Variants in MARCHF3 observed in about 807,000 individuals in gnomAD.
MARCHF3 encodes E3 ubiquitin-protein ligase MARCHF3.
A neutral mutation model predicts 24.2 loss-of-function variants in MARCHF3; 13 were observed. That is an observed-to-expected ratio of 0.54 (90% confidence interval 0.35 to 0.85). The LOEUF is 0.85. MARCHF3 is among the 40% of genes least tolerant of loss of function. The pLI is 0.01. For missense variants in MARCHF3, 276 were observed against 325.0 expected (o/e 0.85, Z 1.16); for synonymous variants, 144 against 137.3 (o/e 1.05, Z -0.34).
At chr5:126,947,902 G>A (rs1052224099) in intron 1 of MARCHF3, among the ~76,000 whole-genome samples, 1 of 152,082 alleles carries the variant, frequency 6.6e-6, no homozygotes, top group Non-Finnish European at 1.5e-5. Flanking sequence ...GGGCAGCAGT[G>A]TGAGAACTGT....
chr5:127,027,470 T>C (rs1204936601), intron 1 of MARCHF3, among the ~76,000 whole-genome samples: 1 of 152,198 alleles, frequency 6.6e-6, no homozygotes, highest in Non-Finnish European at 1.5e-5. Flanking sequence ...GAGGAAATGC[T>C]CAACCATGTG....
At chr5:126,871,017 G>A (rs1420409228) in intron 4 of MARCHF3, among the ~76,000 whole-genome samples, 1 of 152,192 alleles carries the variant, frequency 6.6e-6, no homozygotes, top group East Asian at 1.9e-4. Context: ...CTTGCATGGT[G>A]GCTTCCTTTG....
chr5:126,973,423 T>C (rs548872356), intron 1 of MARCHF3, among the ~76,000 whole-genome samples: 5 of 152,372 alleles, frequency 3.3e-5, no homozygotes, highest in African/African-American at 1.2e-4. Flanking sequence ...CTGGGGTTCC[T>C]GCCAGGTGGA....
intron 1 of MARCHF3, among the ~76,000 whole-genome samples, chr5:126,947,280 A>G (rs1445380011): frequency 6.6e-6 from 1 of 152,254 alleles, no homozygotes; most frequent in Non-Finnish European, 1.5e-5. Flanking sequence ...CTTTACAGCA[A>G]GCTGTGACAG....
At chr5:126,983,084 C>T (rs889505141) in intron 1 of MARCHF3, among the ~76,000 whole-genome samples, 1 of 152,208 alleles carries the variant, frequency 6.6e-6, no homozygotes, top group Admixed American at 6.5e-5. Context: ...CAGCTGTGCA[C>T]TCCTCTGTTG....
chr5:127,007,525 T>C (rs1289001067), intron 1 of MARCHF3, among the ~76,000 whole-genome samples: 2 of 152,136 alleles, frequency 1.3e-5, no homozygotes, highest in African/African-American at 4.8e-5. Context: ...AAGTATACAC[T>C]TCATTCCAAT....
intron 1 of MARCHF3, among the ~76,000 whole-genome samples, chr5:127,021,189 T>C (rs977362403): frequency 1.3e-5 from 2 of 152,100 alleles, no homozygotes; most frequent in Admixed American, 1.3e-4. Context: ...AAATATCCAT[T>C]TAATACCCAC....
rs192916844 is a variant in MARCHF3, at chr5:126,993,959, G to A, written c.-57+36391C>T. 4.7e-4 allele frequency among the ~76,000 whole-genome samples: 71 copies of A among 152,348 alleles called. No homozygotes were observed. The East Asian group carries it at 0.012, about 26-fold the overall frequency. ...AACTACTTTGGAAAATGGTTCAGCA[G>A]CATCTTAGAGAGTTGAACATACACC... On this transcript the variant is annotated intron_variant, in intron 1 of 4. Transcript: ENST00000308660.
intron 1 of MARCHF3, among the ~76,000 whole-genome samples, chr5:126,958,434 T>C (rs1257886787): frequency 7.2e-5 from 11 of 152,120 alleles, no homozygotes; most frequent in Admixed American, 7.2e-4. Flanking sequence ...TTAAAGCTTT[T>C]TCTTTACAGA....
intron 1 of MARCHF3, among the ~76,000 whole-genome samples, chr5:126,926,014 A>C (rs1749282855): frequency 6.6e-6 from 1 of 152,160 alleles, no homozygotes; most frequent in Admixed American, 6.5e-5. Context: ...GAAGGCTCCC[A>C]ATTTGTTTTT....
chr5:126,941,353 G>C (rs1561438454), intron 1 of MARCHF3, among the ~76,000 whole-genome samples: 1 of 152,032 alleles, frequency 6.6e-6, no homozygotes, highest in Non-Finnish European at 1.5e-5. Flanking sequence ...CCTGCAGGTA[G>C]GATTAGAAGT....
rs1174965422 is a variant in MARCHF3 at position 126,951,111 on chromosome 5, A to G, written c.-56-32884T>C. Among the ~76,000 whole-genome samples, 11 of 152,298 alleles carry G rather than the reference A, an allele frequency of 7.2e-5. No homozygotes were observed. The East Asian group carries it at 2.1e-3, about 29-fold the overall frequency. On this transcript the variant is annotated intron_variant, in intron 1 of 4. Coordinates refer to ENST00000308660, the MANE Select transcript of MARCHF3 (RefSeq NM_178450.5). ...TAGTTATTCCATGTTGCTAAATCCA[A>G]CAGTCCTCATCTTACTTGACCTCGC...
At chr5:126,959,501 C>A (rs1750568514) in intron 1 of MARCHF3, among the ~76,000 whole-genome samples, 1 of 152,074 alleles carries the variant, frequency 6.6e-6, no homozygotes, top group Non-Finnish European at 1.5e-5. Flanking sequence ...TGGATGGGAT[C>A]CTGAAACACA....
intron 1 of MARCHF3, among the ~76,000 whole-genome samples, chr5:127,012,895 T>G (rs753371009): frequency 3.3e-5 from 5 of 152,200 alleles, no homozygotes; most frequent in Non-Finnish European, 7.3e-5. Flanking sequence ...TCCACAACCT[T>G]AAAGAAATGA....
intron 1 of MARCHF3, among the ~76,000 whole-genome samples, chr5:126,958,944 C>T (rs1190674245): frequency 6.6e-6 from 1 of 151,854 alleles, no homozygotes; most frequent in Non-Finnish European, 1.5e-5. Flanking sequence ...AAATGAATAC[C>T]CATTAGTCCA....
intron 1 of MARCHF3, among the ~76,000 whole-genome samples, chr5:126,952,936 A>C (rs1750303826): frequency 6.6e-6 from 1 of 152,184 alleles, no homozygotes; most frequent in Non-Finnish European, 1.5e-5. Context: ...CAATATTATG[A>C]TTCTATAGAT....
chr5:126,870,796 G>A lies in MARCHF3; in HGVS notation c.604-5C>T, dbSNP rs1752941176. 3.7e-6 allele frequency: 6 copies of A among 1,613,408 alleles called. No individual in the cohort carries two copies. Among genetic ancestry groups the A allele is most frequent in the Admixed American group, 3.3e-5 (2 of 59,950 alleles). ...ACAGTGGTACCTAAATGACACCTGG[G>A]GATGGGAGAGGAAAAGTAAGAGAAA... On this transcript the variant is annotated splice_polypyrimidine_tract_variant and splice_region_variant and intron_variant, in intron 4 of 4. Coordinates refer to ENST00000308660, the MANE Select transcript of MARCHF3 (RefSeq NM_178450.5).
In MARCHF3 at chr5:126,870,610, A is replaced by AAC. The variant is rs1561770188; in HGVS notation, c.*22_*23insGT. On this transcript the variant is annotated 3_prime_UTR_variant, in exon 5 of 5. Transcript: ENST00000308660. ...TTCCAAACCCCAAACAATGAATCAA[A>AAC]CAACCAACCAACCATACAAACATCA... 2.6e-6 allele frequency: 4 copies of AAC among 1,513,556 alleles called. No individual in the cohort carries two copies. The African/African-American group carries it at 6.8e-5, about 26-fold the overall frequency. 93.8% of individuals were successfully genotyped at this position (1,513,556 alleles called of 1,614,324 possible).
chr5:126,977,055 C>T (rs982675508), intron 1 of MARCHF3, among the ~76,000 whole-genome samples: 20 of 152,234 alleles, frequency 1.3e-4, no homozygotes, highest in African/African-American at 4.8e-4. Context: ...TTTGGCCAGA[C>T]TGCTGTCCAC....
Sources: allele counts gnomAD v4.1 joint callset (sites outside exome capture counted in the v4.1 genomes callset), GRCh38; gene constraint gnomAD v4.1.1; transcripts MANE v1.5; gene names NCBI Gene and HGNC (gene_info 2026-07-23, HGNC 2026-07-21).